Variants in TNR observed in about 807,000 individuals in gnomAD.
The protein encoded by TNR is tenascin-R.
In TNR, 45 loss-of-function variants were observed where a neutral mutation model predicts 150.4. The ratio of observed to expected loss-of-function variants is 0.30; its 90% CI spans 0.24 to 0.38. The LOEUF (loss-of-function observed/expected upper bound fraction) is 0.38, where lower values mean the gene tolerates loss of function less well. TNR is among the 10% of genes least tolerant of loss of function. TNR has a pLI of 1.00. For missense variants in TNR, 1,544 were observed against 1,759.1 expected (o/e 0.88, Z 2.19); for synonymous variants, 687 against 678.4 (o/e 1.01, Z -0.20).
chr1:175,523,676 G>A (rs1659733980), intron 2 of TNR, among the ~76,000 whole-genome samples: 1 of 152,150 alleles, frequency 6.6e-6, no homozygotes, highest in Admixed American at 6.5e-5. Flanking sequence ...GTTGAGGTCT[G>A]TATCACCTCT....
At chr1:175,617,109 A>C (rs1436495861) in intron 1 of TNR, among the ~76,000 whole-genome samples, 1 of 152,086 alleles carries the variant, frequency 6.6e-6, no homozygotes, top group Non-Finnish European at 1.5e-5. Flanking sequence ...GGAGTAGCTG[A>C]GCCCCTTCCA....
intron 12 of TNR, among the ~76,000 whole-genome samples, chr1:175,364,454 G>T (rs1472665206): frequency 1.3e-5 from 2 of 151,804 alleles, no homozygotes; most frequent in Admixed American, 1.3e-4. Flanking sequence ...TCACCCACAT[G>T]TACCTCATAT....
At chr1:175,401,686 C>CGGGA (rs1298075958) in intron 4 of TNR, among the ~76,000 whole-genome samples, 1 of 151,930 alleles carries the variant, frequency 6.6e-6, no homozygotes, top group East Asian at 1.9e-4. Context: ...GTTACATGTG[C>CGGGA]GGGAACATTG....
intron 2 of TNR, among the ~76,000 whole-genome samples, chr1:175,478,136 GCT>G (rs899949092): frequency 1.5e-4 from 23 of 152,276 alleles, no homozygotes; most frequent in African/African-American, 5.5e-4. Context: ...ATGTGTAATT[GCT>G]CTCTTGGATT....
chr1:175,552,816 T>G (rs1339656736), intron 1 of TNR, among the ~76,000 whole-genome samples: 1 of 152,252 alleles, frequency 6.6e-6, no homozygotes, highest in East Asian at 1.9e-4. Flanking sequence ...TATTCCTGCT[T>G]CTTTTCTCGT....
chr1:175,581,384 A>T (rs908188852), intron 1 of TNR, among the ~76,000 whole-genome samples: 2 of 152,214 alleles, frequency 1.3e-5, no homozygotes, highest in Non-Finnish European at 2.9e-5. Context: ...GTCTCTTGGC[A>T]AAGAAACGGA....
intron 1 of TNR, among the ~76,000 whole-genome samples, chr1:175,560,486 A>G (rs1571608539): frequency 6.6e-6 from 1 of 152,232 alleles, no homozygotes; most frequent in East Asian, 1.9e-4. Context: ...GGGCCTTGCC[A>G]TATTGGCGGT....
intron 1 of TNR, among the ~76,000 whole-genome samples, chr1:175,686,818 A>G (rs529936278): frequency 6.6e-6 from 1 of 152,260 alleles, no homozygotes; most frequent in East Asian, 1.9e-4. Flanking sequence ...AAAGAACATG[A>G]CTTCATTCTT....
intron 2 of TNR, among the ~76,000 whole-genome samples, chr1:175,434,999 G>T (rs1257978424): frequency 6.6e-6 from 1 of 152,088 alleles, no homozygotes; most frequent in Non-Finnish European, 1.5e-5. Context: ...CGTTGCCTTG[G>T]TAATATATTC....
At position 175,366,176 on chromosome 1, in the gene TNR, C is replaced by T. The variant is rs370410374; in HGVS notation, c.2054-38G>A. 19 of 1,545,888 alleles carry T rather than the reference C, an allele frequency of 1.2e-5. No homozygotes were observed. The East Asian group carries it at 2.5e-4, about 20-fold the overall frequency. ...ATAAATGGCCTATTTTACATGTGTT[C>T]CCCTGGAGGGCAGTATTTATTGGCC... On this transcript the variant is annotated intron_variant, in intron 10 of 22. Transcript: ENST00000367674.
chr1:175,543,714 A>T (rs1050637994), intron 1 of TNR, among the ~76,000 whole-genome samples: 3 of 152,170 alleles, frequency 2.0e-5, no homozygotes, highest in Admixed American at 2.0e-4. Flanking sequence ...GTGAGCAATA[A>T]CATCATGTGA....
intron 2 of TNR, among the ~76,000 whole-genome samples, chr1:175,509,208 C>T (rs1659070260): frequency 6.6e-6 from 1 of 152,152 alleles, no homozygotes; most frequent in Admixed American, 6.5e-5. Context: ...CCTTCCTCCG[C>T]CAGTGGTGTT....
At chr1:175,544,607 T>C (rs2102192651) in intron 1 of TNR, among the ~76,000 whole-genome samples, 1 of 152,302 alleles carries the variant, frequency 6.6e-6, no homozygotes, top group East Asian at 1.9e-4. Context: ...AACATAGGTA[T>C]ATTGGTGCTA....
intron 1 of TNR, among the ~76,000 whole-genome samples, chr1:175,650,741 ACCCCTCTCCCACCTG>A (rs1664939346): frequency 0.012 from 7 of 584 alleles, no homozygotes; most frequent in East Asian, 0.031. Flanking sequence ...CCTCATTACT[ACCCCTCTCCCACCTG>A]ATTACTCCTC....
chr1:175,655,388 C>T (rs1297478462), intron 1 of TNR, among the ~76,000 whole-genome samples: 2 of 152,174 alleles, frequency 1.3e-5, no homozygotes, highest in African/African-American at 2.4e-5. Context: ...TTGCAATAAG[C>T]CTATAGGCAG....
intron 1 of TNR, among the ~76,000 whole-genome samples, chr1:175,634,092 A>C (rs1664420123): frequency 1.3e-5 from 2 of 152,172 alleles, no homozygotes; most frequent in Admixed American, 1.3e-4. Context: ...CACTTGACAC[A>C]ATGAATGGCC....
At chr1:175,373,086 G>A (rs1652179033) in intron 9 of TNR, among the ~76,000 whole-genome samples, 1 of 152,186 alleles carries the variant, frequency 6.6e-6, no homozygotes, top group Non-Finnish European at 1.5e-5. Context: ...GAAGCAGCAT[G>A]GTGCTGGTGG....
At chr1:175,373,741 T>A (rs1470629079) in intron 9 of TNR, among the ~76,000 whole-genome samples, 1 of 122,318 alleles carries the variant, frequency 8.2e-6, no homozygotes, top group Non-Finnish European at 1.8e-5. Context: ...AAGTACTCCC[T>A]GCTGAGGAGT....
intron 2 of TNR, among the ~76,000 whole-genome samples, chr1:175,457,643 CA>C (rs892515625): frequency 1.3e-5 from 2 of 151,766 alleles, no homozygotes; most frequent in African/African-American, 4.8e-5. Context: ...GACCTTGAAG[CA>C]AAAAAACAGA....
Sources: allele counts gnomAD v4.1 joint callset (sites outside exome capture counted in the v4.1 genomes callset), GRCh38; gene constraint gnomAD v4.1.1; transcripts MANE v1.5; gene names NCBI Gene and HGNC (gene_info 2026-07-23, HGNC 2026-07-21).